The following KIAA2012 variants were observed in gnomAD, a reference collection of about 807,000 sequenced individuals.
KIAA2012 encodes the protein KIAA2012.
A neutral mutation model predicts 150.6 loss-of-function variants in KIAA2012; 125 were observed. That is an observed-to-expected ratio of 0.83 (90% CI 0.72 to 0.96). The LOEUF (loss-of-function observed/expected upper bound fraction) is 0.96, where lower values mean the gene tolerates loss of function less well. KIAA2012 is among the 40% of genes least tolerant of loss of function. The probability of loss-of-function intolerance (pLI) is 0.00; values close to 1 mark genes in which losing one functional copy is unlikely to be tolerated. For missense variants in KIAA2012, 1,219 were observed against 1,354.9 expected (o/e 0.90, Z 1.57); for synonymous variants, 462 against 504.7 (o/e 0.92, Z 1.13).
At chr2:202,073,797 T>C in intron 1 of KIAA2012, 86 bp downstream of exon 1, 1 of 1,215,234 alleles carries the variant, frequency 8.2e-7, no homozygotes, top group Non-Finnish European at 1.2e-6. Flanking sequence ...ACCATGTGTG[T>C]CTTGGTTTGT....
chr2:202,140,242 AG>A (rs1311082636), intron 13 of KIAA2012, among the ~76,000 whole-genome samples: 2 of 152,224 alleles, frequency 1.3e-5, no homozygotes, highest in South Asian at 2.1e-4. Flanking sequence ...AAAAAGAAAG[AG>A]GGGCTCAACC....
At chr2:202,197,368 A>C in intron 22 of KIAA2012, 1 of 299,218 alleles carries the variant, frequency 3.3e-6, no homozygotes. Context: ...CTGATTTCGA[A>C]CCCACTGCCT....
Position 202,109,790 on chromosome 2 carries a change from G to A in KIAA2012, c.1651+1G>A, listed in dbSNP as rs1178436457. On this transcript the variant is annotated splice_donor_variant, in intron 10 of 23. Transcript: ENST00000498697. LOFTEE classifies it high-confidence loss of function. ...AGGAGGGCACTGCCAGCAGCTCAAG[G>A]TAATCATTCCCAGAGTGCATAGACG... is the stretch of plus-strand genomic sequence containing the variant. 1.3e-6 allele frequency: 2 copies of A among 1,545,898 alleles called. No homozygotes were observed. The highest frequency in any genetic ancestry group is 2.7e-5 in the African/African-American group (2 of 72,734).
intron 23 of KIAA2012, among the ~76,000 whole-genome samples, chr2:202,204,781 A>C (rs1195026639): frequency 6.6e-6 from 1 of 152,220 alleles, no homozygotes; most frequent in African/African-American, 2.4e-5. Context: ...AGATAGTATC[A>C]GTCATACTGA....
intron 11 of KIAA2012, among the ~76,000 whole-genome samples, chr2:202,123,320 T>C (rs72938565): frequency 1.5e-3 from 221 of 152,298 alleles, no homozygotes; most frequent in Non-Finnish European, 2.6e-3. Context: ...GAGGGAAAAT[T>C]AACATTCATT....
In KIAA2012 at chr2:202,113,476, T is replaced by C. The variant is rs1004773528; in HGVS notation, c.1762+30T>C. The C allele has an allele frequency of 6.6e-6, 6 of 911,824 alleles. No homozygotes were observed. In the Admixed American group the frequency reaches 2.2e-4, roughly 33 times the overall value. The allele number at this position is 911,824 out of a possible 1,614,324, so 56.5% of individuals were successfully genotyped here. On this transcript the variant is annotated intron_variant, in intron 11 of 23. Coordinates refer to ENST00000498697, the MANE Select transcript of KIAA2012 (RefSeq NM_001277372.4). Reference sequence around the variant, plus strand: ...GCTAACACATTCCAGGGCAGCCTTGTTTTTTTTTTTTCAAAGGGGAAGATG... The same window carrying C: ...GCTAACACATTCCAGGGCAGCCTTGCTTTTTTTTTTTCAAAGGGGAAGATG...
intron 1 of KIAA2012, among the ~76,000 whole-genome samples, chr2:202,074,655 A>G (rs974499845): frequency 3.3e-5 from 5 of 152,182 alleles, no homozygotes; most frequent in African/African-American, 9.7e-5. Flanking sequence ...CCAGCCATAC[A>G]TGACTCTCCT....
At chr2:202,093,626 A>T (rs1689790514) in intron 4 of KIAA2012, among the ~76,000 whole-genome samples, 1 of 152,184 alleles carries the variant, frequency 6.6e-6, no homozygotes, top group African/African-American at 2.4e-5. Context: ...TGAAATATAT[A>T]TATAGGATTT....
intron 15 of KIAA2012, among the ~76,000 whole-genome samples, chr2:202,167,714 A>G (rs1293363186): frequency 6.6e-6 from 1 of 151,640 alleles, no homozygotes; most frequent in Non-Finnish European, 1.5e-5. Context: ...CATGGTAGTG[A>G]GGACCTGCAG....
chr2:202,167,449 T>C (rs894196913), intron 15 of KIAA2012, among the ~76,000 whole-genome samples: 4 of 152,232 alleles, frequency 2.6e-5, no homozygotes, highest in Non-Finnish European at 5.9e-5. Flanking sequence ...AACCACAGTT[T>C]TGAATCGCTG....
chr2:202,180,083 C>T, intron 15 of KIAA2012: 2 of 371,206 alleles, frequency 5.4e-6, no homozygotes, highest in East Asian at 1.4e-4. Context: ...ACCAGCCTGA[C>T]CAACATGGAG....
At chr2:202,183,476 ATTTTT>A (rs71406950) in intron 15 of KIAA2012, among the ~76,000 whole-genome samples, 1 of 95,830 alleles carries the variant, frequency 1.0e-5, no homozygotes, top group African/African-American at 4.1e-5. Context: ...GGTTTTTTAA[ATTTTT>A]TTTTTTTTTT....
At chr2:202,076,265 A>C (rs369841990) in intron 2 of KIAA2012, among the ~76,000 whole-genome samples, 2 of 152,212 alleles carry the variant, frequency 1.3e-5, no homozygotes, top group African/African-American at 4.8e-5. Flanking sequence ...TATGGGGACC[A>C]TGTCTAAATC....
chr2:202,099,581 G>T, intron 5 of KIAA2012, 32 bp from the exon 6 acceptor site: 1 of 1,522,690 alleles, frequency 6.6e-7, no homozygotes, highest in South Asian at 1.2e-5. Context: ...ATGACAGCCT[G>T]TTTACAGGAA....
chr2:202,095,386 C>T (rs1009713759), intron 4 of KIAA2012, among the ~76,000 whole-genome samples: 1 of 152,166 alleles, frequency 6.6e-6, no homozygotes, highest in African/African-American at 2.4e-5. Context: ...CTGGCTAAGT[C>T]ACTTATGCTC....
intron 13 of KIAA2012, among the ~76,000 whole-genome samples, chr2:202,143,153 C>T (rs1346703172): frequency 2.0e-5 from 3 of 148,936 alleles, no homozygotes; most frequent in Non-Finnish European, 3.0e-5. Context: ...GGCACAAACT[C>T]GGCTCACTGC....
chr2:202,081,425 A>G (rs1414740597), intron 2 of KIAA2012, among the ~76,000 whole-genome samples: 1 of 152,120 alleles, frequency 6.6e-6, no homozygotes, highest in African/African-American at 2.4e-5. Flanking sequence ...AGGAACTACC[A>G]TAGGATTTTC....
chr2:202,116,465 C>CTGTTTTTTTT (rs1690528697), intron 11 of KIAA2012: 1 of 57,984 alleles, frequency 1.7e-5, no homozygotes. Flanking sequence ...CCATGCCCGG[C>CTGTTTTTTTT]TTTTTTTTTT....
chr2:202,133,101 T>TAAAAAAAAAAA (rs376450801), intron 12 of KIAA2012, among the ~76,000 whole-genome samples: 7 of 74,162 alleles, frequency 9.4e-5, no homozygotes, highest in African/African-American at 4.2e-4. Context: ...TGAGACTGTC[T>TAAAAAAAAAAA]AAAAAAAAAT....
Sources: gnomAD v4.1 joint callset for allele counts (sites outside exome capture counted in the v4.1 genomes callset) on GRCh38, gnomAD v4.1.1 for gene constraint, MANE v1.5 for transcripts, NCBI Gene and HGNC (gene_info 2026-07-23, HGNC 2026-07-21) for gene names.